The following SBNO2 variants were observed in gnomAD, a reference collection of about 807,000 sequenced individuals.
SBNO2 encodes strawberry notch homolog 2, also known as protein strawberry notch homolog 2.
In SBNO2, 89 loss-of-function variants were observed where a neutral mutation model predicts 146.3. That is an observed-to-expected ratio of 0.61 (90% CI 0.51 to 0.73). The LOEUF is 0.73. Ranked by LOEUF, SBNO2 falls within the 30% of genes least tolerant of loss-of-function variation. SBNO2 has a pLI of 0.00. For missense variants in SBNO2, 2,092 were observed against 2,003.7 expected (o/e 1.04, Z -0.84); for synonymous variants, 1,147 against 892.6 (o/e 1.29, Z -5.08).
In SBNO2 at chr19:1,112,597, C is replaced by CA; in HGVS notation, c.2380-61dup. ...GCAAGGCCCGCCCCAGCGTTGCCGCCACCTCCTCACCCACTAGGCCCCCGC... is the reference window on the plus strand; with the variant it reads ...GCAAGGCCCGCCCCAGCGTTGCCGCCAACCTCCTCACCCACTAGGCCCCCGC... On this transcript the variant is annotated intron_variant, in intron 20 of 31. Coordinates refer to ENST00000361757, the MANE Select transcript of SBNO2 (RefSeq NM_014963.3). This position sits in a 1 kb window ranked among gnomAD's most constrained non-coding sequence, Gnocchi z 5.9. 1 of 1,509,874 alleles carries CA rather than the reference C, an allele frequency of 6.6e-7. No individual in the cohort carries two copies. The allele number at this position is 1,509,874 out of a possible 1,614,324, so 93.5% of individuals were successfully genotyped here.
rs2079881354 is a variant in SBNO2 at position 1,119,991 on chromosome 19, A to G, written c.1182T>C (p.Asn394=). Residue 394 remains asparagine, a synonymous_variant, in exon 12 of 32, where the codon AAT becomes AAC. Coordinates refer to ENST00000361757, the MANE Select transcript of SBNO2 (RefSeq NM_014963.3). ...CCTTGCCCATCTTGGTGGAGCCGGC[A>G]TTCTTGGCTTTGTGACACTCGTCGA... The part of the protein sequence containing the change: ...IVFDECHKAK[N]AGSTKMGKAV... 1 of 1,551,560 alleles carries G rather than the reference A, an allele frequency of 6.4e-7. No individual in the cohort carries two copies. Among genetic ancestry groups the G allele is most frequent in the Non-Finnish European group, 8.7e-7 (1 of 1,147,268 alleles).
At chr19:1,170,472 G>A (rs2080467002) in intron 1 of SBNO2, among the ~76,000 whole-genome samples, 4 of 152,146 alleles carry the variant, frequency 2.6e-5, no homozygotes, top group African/African-American at 4.8e-5. Flanking sequence ...AGGCCAGGAC[G>A]AGAACCAGGT....
intron 9 of SBNO2, 34 bp from the exon 10 acceptor site, chr19:1,122,592 T>TTCCCCCCCCCCCCC: frequency 6.9e-7 from 1 of 1,455,722 alleles, no homozygotes. Flanking sequence ...CGCCCACCCT[T>TTCCCCCCCCCCCCC]CCCCCTCGCC....
rs895016253 is a variant in SBNO2 at position 1,154,190 on chromosome 19, G to A, written c.87C>T (p.Pro29=). ...GGCCGGGGGTGGGGCTCACCTGCAG[G>A]GGCGGCGGGCTGTACAGGAGGCTGC... The part of the protein sequence containing the change: ...PAGSLLYSPP[P]LQSAMLHCPY... The change falls in exon 2 of 32, where the codon CCC becomes CCT. Residue 29 remains proline (P), a synonymous_variant. Transcript: ENST00000361757. 8.1e-7 allele frequency: 1 copy of A among 1,241,012 alleles called. No homozygotes were observed. Among genetic ancestry groups the A allele is most frequent in the Non-Finnish European group, 1.0e-6 (1 of 991,224 alleles). 76.9% of individuals were successfully genotyped at this position (1,241,012 alleles called of 1,614,324 possible).
chr19:1,126,269 CTTTTT>C lies in SBNO2; in HGVS notation c.441+1330_441+1334del, dbSNP rs879660847. Among the ~76,000 whole-genome samples the C allele has an allele frequency of 6.7e-6, 1 of 148,822 alleles. No individual in the cohort carries two copies. The highest frequency in any genetic ancestry group is 2.5e-5 in the African/African-American group (1 of 40,676). ...GAAACCTATACTCAGTTGCCCTCTCCTTTTTTTTTTAAGTTAACAAAACACAAAAA... is the reference window on the plus strand; with the variant it reads ...GAAACCTATACTCAGTTGCCCTCTCCTTTTTAAGTTAACAAAACACAAAAA... On this transcript the variant is annotated intron_variant, in intron 5 of 31. Transcript: ENST00000361757. This position sits in a 1 kb window ranked among gnomAD's most constrained non-coding sequence, Gnocchi z 4.4.
Position 1,113,639 on chromosome 19 carries a change from T to TCAGCCGCTC in SBNO2, c.2134_2142dup (p.Glu712_Leu714dup). 6.3e-7 allele frequency: 1 copy of TCAGCCGCTC among 1,599,496 alleles called. No individual in the cohort carries two copies. Among genetic ancestry groups the TCAGCCGCTC allele is most frequent in the Non-Finnish European group, 8.5e-7 (1 of 1,174,260 alleles). Reference sequence around the variant, plus strand: ...CGCACTTTGTCCAGCAGATCCTGCTTCAGCCGCTCCACCCGCTCCAGGACC... The same window carrying TCAGCCGCTC: ...CGCACTTTGTCCAGCAGATCCTGCTTCAGCCGCTCCAGCCGCTCCACCCGCTCCAGGACC... On this transcript the variant is annotated inframe_insertion, in exon 19 of 32. Transcript: ENST00000361757.
chr19:1,117,178 A>C, intron 15 of SBNO2, 145 bp downstream of exon 15: 2 of 877,942 alleles, frequency 2.3e-6, no homozygotes, highest in Non-Finnish European at 3.4e-6. Context: ...CTCTGATTGG[A>C]AGACGGACAT....
Position 1,150,900 on chromosome 19 carries a change from C to G in SBNO2, c.94-1458G>C, listed in dbSNP as rs916796402. Among the ~76,000 whole-genome samples, 1 of 152,190 alleles carries G rather than the reference C, an allele frequency of 6.6e-6. No individual in the cohort carries two copies. The highest frequency in any genetic ancestry group is 6.5e-5 in the Admixed American group (1 of 15,280). On this transcript the variant is annotated intron_variant, in intron 2 of 31. Transcript: ENST00000361757. This position sits in a 1 kb window ranked among gnomAD's most constrained non-coding sequence, Gnocchi z 6.2. ...AAAGCCCTCGGGGTGACCGCTGCCC[C>G]GCTCCTCCAGCTTTTGCATAAAATA... is the stretch of plus-strand genomic sequence containing the variant.
At chr19:1,153,293 A>AGT (rs1229503153) in intron 2 of SBNO2, among the ~76,000 whole-genome samples, 1 of 150,650 alleles carries the variant, frequency 6.6e-6, no homozygotes, top group Non-Finnish European at 1.5e-5. Flanking sequence ...GCTGGAGTGC[A>AGT]GTGGTGCAAT....
intron 7 of SBNO2, 32 bp downstream of exon 7, chr19:1,123,502 G>A (rs774123538): frequency 6.3e-7 from 1 of 1,590,658 alleles, no homozygotes; most frequent in Non-Finnish European, 8.6e-7. Context: ...GTTTGAACCT[G>A]TCCCAGGGCT....
chr19:1,132,290 G>A (rs1023987533), intron 4 of SBNO2: 7 of 1,312,202 alleles, frequency 5.3e-6, no homozygotes, highest in East Asian at 3.1e-5. Context: ...AGTCACCGCC[G>A]CCGGCGCCTA....
rs1282341043 is a variant in SBNO2, at chr19:1,157,603, G to C, written c.-126-3201C>G. 6.6e-6 allele frequency among the ~76,000 whole-genome samples: 1 copy of C among 152,188 alleles called. No individual in the cohort carries two copies. The highest frequency in any genetic ancestry group is 2.4e-5 in the African/African-American group (1 of 41,438). On this transcript the variant is annotated intron_variant, in intron 1 of 31. Coordinates refer to ENST00000361757, the MANE Select transcript of SBNO2 (RefSeq NM_014963.3). This position sits in a 1 kb window ranked among gnomAD's most constrained non-coding sequence, Gnocchi z 6.8. The stretch of plus-strand genomic sequence containing the variant: ...GCGGGGGTCACACGGTTCCCACCTT[G>C]GGAGGGGGCCCGCGCTTTATCAGCA...
At chr19:1,117,297 A>AGCCCTCGAAG in intron 15 of SBNO2, 26 bp downstream of exon 15, 1 of 1,545,158 alleles carries the variant, frequency 6.5e-7, no homozygotes, top group Non-Finnish European at 8.7e-7. Flanking sequence ...GGCCGCCCTC[A>AGCCCTCGAAG]GCCCTCGAAG....
intron 4 of SBNO2, among the ~76,000 whole-genome samples, chr19:1,141,069 C>CCCGGAGAAGAGGCACT (rs2080132083): frequency 1.3e-5 from 2 of 151,722 alleles, no homozygotes; most frequent in African/African-American, 4.8e-5. Context: ...GAAGAGGCGC[C>CCCGGAGAAGAGGCACT]CCGGAGAAGA....
rs982138719 is a variant in SBNO2 at position 1,136,482 on chromosome 19, G to A, written c.280-8717C>T. On this transcript the variant is annotated intron_variant, in intron 4 of 31. Transcript: ENST00000361757. The surrounding 1 kb of genome is among the most constrained non-coding windows in gnomAD (Gnocchi z 4.2). ...AAGGCTGTCTGTGGGCGGCTCTGCC[G>A]GCCCCTCCTGCACCTGCCCAGGCCC... 2.0e-5 allele frequency among the ~76,000 whole-genome samples: 3 copies of A among 152,176 alleles called. No homozygotes were observed. Among genetic ancestry groups the A allele is most frequent in the African/African-American group, 4.8e-5 (2 of 41,446 alleles).
At position 1,140,794 on chromosome 19, in the gene SBNO2, T is replaced by C. The variant is rs1386433711; in HGVS notation, c.279+6515A>G. On this transcript the variant is annotated intron_variant, in intron 4 of 31. Transcript: ENST00000361757. This position sits in a 1 kb window ranked among gnomAD's most constrained non-coding sequence, Gnocchi z 4.4. Reference sequence around the variant, plus strand: ...ACCAGCCTCTGCTCAGCCTTGGGTCTTCCCCCAGGCTGAGAGAAACAGGAA... The same window carrying C: ...ACCAGCCTCTGCTCAGCCTTGGGTCCTCCCCCAGGCTGAGAGAAACAGGAA... Among the ~76,000 whole-genome samples the C allele has an allele frequency of 6.6e-6, 1 of 151,630 alleles. No individual in the cohort carries two copies. The highest frequency in any genetic ancestry group is 1.5e-5 in the Non-Finnish European group (1 of 67,910).
At chr19:1,114,463 AAGGTGGAGGAGC>A (rs1455936809) in intron 17 of SBNO2, 41 bp from the exon 18 acceptor site, 7 of 1,457,570 alleles carry the variant, frequency 4.8e-6, no homozygotes, top group South Asian at 2.7e-5. Context: ...AGACCGCAGC[AAGGTGGAGGAGC>A]AGGTGGAGGA....
rs1173778296 is a variant in SBNO2, at chr19:1,150,453, G to A, written c.94-1011C>T. ...CCCTGCCGTCACAGACGCCCCCACA[G>A]TCACGGGGGAGACCCTGCCGTCACG... On this transcript the variant is annotated intron_variant, in intron 2 of 31. Transcript: ENST00000361757. The surrounding 1 kb of genome is among the most constrained non-coding windows in gnomAD (Gnocchi z 6.2). Among the ~76,000 whole-genome samples, 1 of 151,446 alleles carries A rather than the reference G, an allele frequency of 6.6e-6. No homozygotes were observed. The highest frequency in any genetic ancestry group is 6.6e-5 in the Admixed American group (1 of 15,228).
rs1241068852 is a variant in SBNO2 at position 1,126,257 on chromosome 19, AG to A, written c.441+1346del. 6.6e-6 allele frequency among the ~76,000 whole-genome samples: 1 copy of A among 152,014 alleles called. No individual in the cohort carries two copies. The highest frequency in any genetic ancestry group is 1.9e-4 in the East Asian group (1 of 5,184). On this transcript the variant is annotated intron_variant, in intron 5 of 31. Coordinates refer to ENST00000361757, the MANE Select transcript of SBNO2 (RefSeq NM_014963.3). The surrounding 1 kb of genome is among the most constrained non-coding windows in gnomAD (Gnocchi z 4.4). ...ACAGGAAGGTTAGAAACCTATACTC[AG>A]TTGCCCTCTCCTTTTTTTTTTAAGT...
Sources: allele counts gnomAD v4.1 joint callset (sites outside exome capture counted in the v4.1 genomes callset), GRCh38; gene constraint gnomAD v4.1.1; non-coding constraint Gnocchi (gnomAD v3.1); transcripts MANE v1.5; gene names NCBI Gene and HGNC (gene_info 2026-07-23, HGNC 2026-07-21).